HORMAD2: variants seen among roughly 807,000 people sequenced by gnomAD.
The protein encoded by HORMAD2 is HORMA domain containing 2.
HORMAD2 carries 45 observed loss-of-function variants against 38.8 expected under a neutral mutation model. That is an observed-to-expected ratio of 1.16 (90% CI 0.91 to 1.49). The LOEUF (loss-of-function observed/expected upper bound fraction) is 1.49. Among genes scored for constraint, HORMAD2 ranks in the 40% most tolerant of loss-of-function variants. The pLI is 0.00. For missense variants in HORMAD2, 338 were observed against 367.0 expected (o/e 0.92, Z 0.65); for synonymous variants, 126 against 122.8 (o/e 1.03, Z -0.17).
chr22:30,079,305 G>A (rs1424657452), upstream of HORMAD2, among the ~76,000 whole-genome samples: 1 of 152,100 alleles, frequency 6.6e-6, no homozygotes, highest in Non-Finnish European at 1.5e-5. Flanking sequence ...ACCCCCAACT[G>A]CTCCCACAGT....
At chr22:30,182,275 A>G in the HORMAD2 span, among the ~76,000 whole-genome samples, 1 of 152,212 alleles carries the variant, frequency 6.6e-6, no homozygotes, top group Admixed American at 6.5e-5. Flanking sequence ...TTAATACAGG[A>G]AAAGCACTTA....
chr22:30,150,041 T>A (rs1403668129), intron 10 of HORMAD2, among the ~76,000 whole-genome samples: 1 of 152,136 alleles, frequency 6.6e-6, no homozygotes. Flanking sequence ...CGGTAGGCAC[T>A]CAGTGTCTTT....
chr22:30,144,048 T>G (rs1924257924), intron 10 of HORMAD2, among the ~76,000 whole-genome samples: 1 of 152,196 alleles, frequency 6.6e-6, no homozygotes, highest in Non-Finnish European at 1.5e-5. Flanking sequence ...CCTCTTTTCT[T>G]ATAAATTACC....
In HORMAD2 at chr22:30,094,945, A is replaced by G. The variant is rs575418415; in HGVS notation, c.51+942A>G. Among the ~76,000 whole-genome samples the G allele has an allele frequency of 2.3e-3, 354 of 152,230 alleles. 6 individuals are homozygous for G. Among genetic ancestry groups the G allele is most frequent in the African/African-American group, 8.2e-3 (340 of 41,528 alleles). Reference sequence around the variant, plus strand: ...CTCTCTCTTTTTCTGGGGATCCAGGATCTAGTATAAAAATGAGACCCTTAA... The same window carrying G: ...CTCTCTCTTTTTCTGGGGATCCAGGGTCTAGTATAAAAATGAGACCCTTAA... On this transcript the variant is annotated intron_variant, in intron 2 of 10. Coordinates refer to ENST00000336726, the MANE Select transcript of HORMAD2 (RefSeq NM_152510.4).
intron 10 of HORMAD2, among the ~76,000 whole-genome samples, chr22:30,147,462 A>G (rs1924489515): frequency 1.3e-5 from 2 of 152,026 alleles, no homozygotes; most frequent in African/African-American, 4.8e-5. Context: ...TGTACACAAG[A>G]TTGACTATAA....
chr22:30,084,380 G>C (rs1352832325), intron 1 of HORMAD2, among the ~76,000 whole-genome samples: 1 of 152,028 alleles, frequency 6.6e-6, no homozygotes, highest in Non-Finnish European at 1.5e-5. Flanking sequence ...CCTGCTCCTG[G>C]GGTAACAATA....
At chr22:30,094,123 A>AT in intron 2 of HORMAD2, 120 bp downstream of exon 2, 1 of 673,452 alleles carries the variant, frequency 1.5e-6, no homozygotes, top group Middle Eastern at 4.0e-4. Context: ...TTGGCACATA[A>AT]TATTCTGGGA....
chr22:30,181,695 T>C (rs575528963), downstream of HORMAD2, among the ~76,000 whole-genome samples: 1 of 152,354 alleles, frequency 6.6e-6, no homozygotes, highest in African/African-American at 2.4e-5. Context: ...ACATTCTGTG[T>C]TGTTCCAAAG....
the HORMAD2 span, among the ~76,000 whole-genome samples, chr22:30,188,256 A>T: frequency 6.6e-6 from 1 of 151,814 alleles, no homozygotes; most frequent in Non-Finnish European, 1.5e-5. Context: ...AACCTCAAAA[A>T]CTCTTGGGAG....
At chr22:30,200,356 A>G in the HORMAD2 span, among the ~76,000 whole-genome samples, 1 of 152,220 alleles carries the variant, frequency 6.6e-6, no homozygotes, top group African/African-American at 2.4e-5. Context: ...ATATTATTCA[A>G]ATCACCTTTA....
intron 10 of HORMAD2, among the ~76,000 whole-genome samples, chr22:30,151,973 A>T (rs1330252196): frequency 6.6e-6 from 1 of 152,192 alleles, no homozygotes; most frequent in African/African-American, 2.4e-5. Flanking sequence ...AAGCCTTCAG[A>T]TAATCCTGAT....
At chr22:30,204,913 C>T in the HORMAD2 span, among the ~76,000 whole-genome samples, 10 of 152,164 alleles carry the variant, frequency 6.6e-5, no homozygotes, top group Non-Finnish European at 8.8e-5. Flanking sequence ...CTCTGAGAGC[C>T]GCCTGAGGGA....
chr22:30,191,754 G>T, the HORMAD2 span, among the ~76,000 whole-genome samples: 1 of 152,154 alleles, frequency 6.6e-6, no homozygotes, highest in Non-Finnish European at 1.5e-5. Flanking sequence ...CATCTGAAAG[G>T]CGAGTAAACA....
At chr22:30,099,910 A>G (rs1920931693) in intron 3 of HORMAD2, among the ~76,000 whole-genome samples, 1 of 152,128 alleles carries the variant, frequency 6.6e-6, no homozygotes, top group Admixed American at 6.6e-5. Context: ...AAAAACAAAA[A>G]CAAAAACAAA....
chr22:30,172,461 G>T (rs1415214336), intron 10 of HORMAD2, among the ~76,000 whole-genome samples: 1 of 152,154 alleles, frequency 6.6e-6, no homozygotes, highest in Non-Finnish European at 1.5e-5. Context: ...CTTGATCTTT[G>T]TATTACTAGA....
chr22:30,103,648 GATT>G (rs1920983333), intron 4 of HORMAD2, 148 bp downstream of exon 4: 32 of 73,700 alleles, frequency 4.3e-4, no homozygotes, highest in African/African-American at 6.5e-4. Context: ...TTCTGTTTTT[GATT>G]TTTTTTTTTT....
chr22:30,145,596 T>TA (rs1011637229), intron 10 of HORMAD2, among the ~76,000 whole-genome samples: 5 of 151,858 alleles, frequency 3.3e-5, no homozygotes, highest in South Asian at 2.1e-4. Flanking sequence ...TTAGAAGCTA[T>TA]AAAAAAATAG....
intron 1 of HORMAD2, among the ~76,000 whole-genome samples, chr22:30,091,859 TG>T (rs1300058352): frequency 6.6e-6 from 1 of 151,986 alleles, no homozygotes; most frequent in Non-Finnish European, 1.5e-5. Context: ...CGTTATTTTT[TG>T]TTATTTTATT....
At chr22:30,130,782 G>A (rs1352330521) in intron 10 of HORMAD2, among the ~76,000 whole-genome samples, 1 of 151,496 alleles carries the variant, frequency 6.6e-6, no homozygotes, top group Non-Finnish European at 1.5e-5. Flanking sequence ...ATAGAGACAG[G>A]GTTTCGCCAT....
Sources: gnomAD v4.1 joint callset for allele counts (sites outside exome capture counted in the v4.1 genomes callset) on GRCh38, gnomAD v4.1.1 for gene constraint, MANE v1.5 for transcripts, NCBI Gene and HGNC (gene_info 2026-07-23, HGNC 2026-07-21) for gene names.